SMARCA4: variants seen among roughly 807,000 people sequenced by gnomAD.
SMARCA4 encodes the protein SWI/SNF-related matrix-associated actin-dependent regulator of chromatin subfamily A member 4.
In SMARCA4, 31 loss-of-function variants were observed where a neutral mutation model predicts 193.9. The observed-to-expected ratio is 0.16, with a 90% CI of 0.12 to 0.22. The LOEUF (loss-of-function observed/expected upper bound fraction) is 0.22, where lower values mean the gene tolerates loss of function less well. SMARCA4 is among the 10% of genes least tolerant of loss of function. The pLI, the probability that SMARCA4 is intolerant of heterozygous loss-of-function variation, is 1.00. For missense variants in SMARCA4, 1,148 were observed against 2,296.0 expected (o/e 0.50, Z 10.22); for synonymous variants, 942 against 933.1 (o/e 1.01, Z -0.17).
At chr19:11,018,885 G>C (rs563210384) in intron 16 of SMARCA4, 72 bp from the exon 17 acceptor site, 1 of 1,292,236 alleles carries the variant, frequency 7.7e-7, no homozygotes, top group African/African-American at 1.5e-5. Flanking sequence ...CTGACAGCCA[G>C]TGGCTATGGG....
In SMARCA4 at chr19:11,052,519, G is replaced by A. The variant is rs2076317191; in HGVS notation, c.4425-5736G>A. 4.6e-5 allele frequency among the ~76,000 whole-genome samples: 7 copies of A among 152,230 alleles called. 1 individual carries two copies. In the South Asian group the frequency reaches 1.5e-3, roughly 32 times the overall value. ...TGAGCAGCACATTCTCTGAGCCAAC[G>A]GCCCCTACAAACACCCACCCTTTCC... On this transcript the variant is annotated intron_variant, in intron 30 of 34. Transcript: ENST00000344626.
chr19:10,962,138 T>C (rs1304941640), intron 1 of SMARCA4, among the ~76,000 whole-genome samples: 1 of 152,172 alleles, frequency 6.6e-6, no homozygotes, highest in African/African-American at 2.4e-5. Context: ...ACTGTCACTT[T>C]AGGGAAGTGG....
At chr19:10,973,567 ATTTTTTT>A (rs35116273) in intron 1 of SMARCA4, among the ~76,000 whole-genome samples, 50 of 125,608 alleles carry the variant, frequency 4.0e-4, no homozygotes, top group African/African-American at 1.4e-3. Flanking sequence ...CGCCCAGCTA[ATTTTTTT>A]TTTTTTTTTT....
intron 1 of SMARCA4, among the ~76,000 whole-genome samples, chr19:10,973,484 T>C (rs1295209142): frequency 6.6e-6 from 1 of 151,374 alleles, no homozygotes. Context: ...CACTGCAAGC[T>C]CCGCCTACCA....
At chr19:10,972,833 G>A (rs1349454998) in intron 1 of SMARCA4, among the ~76,000 whole-genome samples, 1 of 152,142 alleles carries the variant, frequency 6.6e-6, no homozygotes, top group Non-Finnish European at 1.5e-5. Context: ...AATAGGGGCC[G>A]GGCACAGTGG....
chr19:11,027,818 C>T lies in SMARCA4; in HGVS notation c.3250C>T (p.Leu1084Phe), dbSNP rs1401256837. ...GTACCGAGCCTCGGGTAAATTTGAG[C>T]TTCTTGATAGAATTCTTCCCAAACT... ...DLYRASGKFE[L>F]LDRILPKLRA... Residue 1084 changes from leucine (L) to phenylalanine (F), a missense_variant, in exon 24 of 35, where the codon CTT (leucine) becomes TTT (phenylalanine). By Grantham distance (22) the Leu-to-Phe change is conservative. Around this residue, in one of 17 missense-constraint regions of SMARCA4, gnomAD observed 74 missense variants for 392.3 expected, o/e 0.19. Coordinates refer to ENST00000344626, the MANE Select transcript of SMARCA4 (RefSeq NM_003072.5). 6.2e-7 allele frequency: 1 copy of T among 1,614,044 alleles called. No homozygotes were observed. The highest frequency in any genetic ancestry group is 8.5e-7 in the Non-Finnish European group (1 of 1,180,052).
At chr19:11,028,093 G>T in intron 24 of SMARCA4, 143 bp downstream of exon 24, 4 of 898,478 alleles carry the variant, frequency 4.5e-6, no homozygotes, top group Non-Finnish European at 7.4e-6. Context: ...CTAGCCACAG[G>T]CTGAGCATCT....
intron 34 of SMARCA4, among the ~76,000 whole-genome samples, chr19:11,061,531 A>G (rs1799555675): frequency 6.6e-6 from 1 of 151,882 alleles, no homozygotes; most frequent in Non-Finnish European, 1.5e-5. Context: ...GCCCGCCACC[A>G]CGCCCGGCTA....
At chr19:11,002,857 A>G (rs1000796275) in intron 11 of SMARCA4, among the ~76,000 whole-genome samples, 172 bp from the exon 12 acceptor site, 1 of 151,828 alleles carries the variant, frequency 6.6e-6, no homozygotes, top group South Asian at 2.1e-4. Flanking sequence ...GATGGGTTAT[A>G]TATTTTTACT....
intron 8 of SMARCA4, among the ~76,000 whole-genome samples, chr19:10,992,871 G>A (rs2086677807): frequency 2.0e-5 from 3 of 151,874 alleles, no homozygotes; most frequent in South Asian, 2.1e-4. Context: ...GATTACAGAC[G>A]TGAGCCACTG....
At chr19:11,039,760 G>A (rs191245279) in intron 29 of SMARCA4, 63 of 373,180 alleles carry the variant, frequency 1.7e-4, no homozygotes, top group African/African-American at 1.2e-3. Context: ...TCCAACCAGG[G>A]CAATGTAGCA....
intron 30 of SMARCA4, among the ~76,000 whole-genome samples, chr19:11,048,728 A>T (rs921262759): frequency 1.3e-5 from 2 of 152,216 alleles, no homozygotes; most frequent in Non-Finnish European, 2.9e-5. Context: ...TGTCAGGTGG[A>T]ATCTTTTCAA....
intron 8 of SMARCA4, among the ~76,000 whole-genome samples, chr19:10,993,287 C>T (rs1254597332): frequency 6.6e-6 from 1 of 152,214 alleles, no homozygotes; most frequent in Non-Finnish European, 1.5e-5. Flanking sequence ...CTCCTGGCCA[C>T]ATCGCTTTGT....
chr19:11,009,680 C>T (rs932740340), intron 14 of SMARCA4, among the ~76,000 whole-genome samples: 4 of 149,764 alleles, frequency 2.7e-5, no homozygotes, highest in Non-Finnish European at 4.4e-5. Context: ...CCACCACGCC[C>T]GGCTAACTTT....
rs893782698 is a variant in SMARCA4 at position 11,058,950 on chromosome 19, C to T, written c.4635+61C>T. 20 of 1,298,752 alleles carry T rather than the reference C, an allele frequency of 1.5e-5. No homozygotes were observed. The highest frequency in any genetic ancestry group is 5.8e-5 in the African/African-American group (4 of 68,762). 80.5% of individuals were successfully genotyped at this position (1,298,752 alleles called of 1,614,324 possible). A position where few individuals can be genotyped will look rare whatever the true frequency, so the allele number is the denominator to read the frequency against. On this transcript the variant is annotated intron_variant, in intron 32 of 34. Coordinates refer to ENST00000344626, the MANE Select transcript of SMARCA4 (RefSeq NM_003072.5). This position sits in a 1 kb window ranked among gnomAD's most constrained non-coding sequence, Gnocchi z 5.8. ...CCCACAGCTGGGCTTTGACCCAACC[C>T]GCCCCTCCTTCCCTTCTGAATTGAT... is the stretch of plus-strand genomic sequence containing the variant.
At position 11,034,171 on chromosome 19, in the gene SMARCA4, C is replaced by T. The variant is rs587779750; in HGVS notation, c.3922C>T (p.Arg1308Trp). ...CGAGACCGTCAACCAGATGATCGCC[C>T]GGCACGAGGAGGAGTTTGATCTGTT... ...DDETVNQMIA[R>W]HEEEFDLFMR... is the part of the protein sequence containing the mutation. The change falls in exon 28 of 35, where the codon CGG becomes TGG. Residue 1308 changes from arginine to tryptophan, a missense_variant. Transcript: ENST00000344626. The surrounding 1 kb of genome is among the most constrained non-coding windows in gnomAD (Gnocchi z 7.0). 6.2e-7 allele frequency: 1 copy of T among 1,613,706 alleles called. No individual in the cohort carries two copies. Among genetic ancestry groups the T allele is most frequent in the African/African-American group, 1.3e-5 (1 of 74,922 alleles).
chr19:11,000,203 G>A (rs1377899614), intron 11 of SMARCA4, among the ~76,000 whole-genome samples: 1 of 151,316 alleles, frequency 6.6e-6, no homozygotes, highest in Non-Finnish European at 1.5e-5. Flanking sequence ...ACTCCAGCCT[G>A]GGTGACAGAG....
chr19:11,028,381 C>G (rs2090412318), intron 24 of SMARCA4, among the ~76,000 whole-genome samples: 1 of 152,222 alleles, frequency 6.6e-6, no homozygotes, highest in Non-Finnish European at 1.5e-5. Flanking sequence ...CTTTGCTCTG[C>G]CTTCTTCCAT....
chr19:11,022,428 G>A (rs2089944535), intron 19 of SMARCA4, among the ~76,000 whole-genome samples: 1 of 152,212 alleles, frequency 6.6e-6, no homozygotes, highest in African/African-American at 2.4e-5. Flanking sequence ...AAGCTCAGTG[G>A]CCAGTGTGTC....
Sources: allele counts gnomAD v4.1 joint callset (sites outside exome capture counted in the v4.1 genomes callset), GRCh38; gene constraint gnomAD v4.1.1; regional missense constraint gnomAD v4.1.1; non-coding constraint Gnocchi (gnomAD v3.1); transcripts MANE v1.5; gene names NCBI Gene and HGNC (gene_info 2026-07-23, HGNC 2026-07-21).